The following TNIK variants were observed in gnomAD, a reference collection of about 807,000 sequenced individuals.
TNIK encodes TRAF2 and NCK-interacting protein kinase.
A neutral mutation model predicts 191.3 loss-of-function variants in TNIK; 49 were observed. The ratio of observed to expected loss-of-function variants is 0.26; its 90% CI spans 0.20 to 0.32. TNIK has a LOEUF of 0.32. TNIK is among the 10% of genes least tolerant of loss of function. The probability of loss-of-function intolerance (pLI) is 1.00; values close to 1 mark genes in which losing one functional copy is unlikely to be tolerated. For missense variants in TNIK, 1,155 were observed against 1,702.3 expected, an observed-to-expected ratio of 0.68 and a Z score of 5.66; for synonymous variants, 594 against 600.9, an observed-to-expected ratio of 0.99 and a Z score of 0.17.
At chr3:171,417,352 A>G (rs2108620255) in intron 1 of TNIK, among the ~76,000 whole-genome samples, 1 of 152,276 alleles carries the variant, frequency 6.6e-6, no homozygotes, top group East Asian at 1.9e-4. Flanking sequence ...TATCTCTGCT[A>G]ACAAAGGCTT....
intron 2 of TNIK, among the ~76,000 whole-genome samples, chr3:171,335,027 C>CAAA (rs371457413): frequency 3.5e-5 from 4 of 114,618 alleles, no homozygotes; most frequent in Admixed American, 1.9e-4. Flanking sequence ...CCCCAACTGC[C>CAAA]AAAAAAAAAA....
At chr3:171,441,242 G>T (rs1312222874) in intron 1 of TNIK, among the ~76,000 whole-genome samples, 2 of 152,014 alleles carry the variant, frequency 1.3e-5, no homozygotes, top group Admixed American at 1.3e-4. Context: ...ATTCACTCAG[G>T]TTACCACCAT....
At chr3:171,225,126 A>G (rs960998754) in intron 3 of TNIK, among the ~76,000 whole-genome samples, 3 of 152,214 alleles carry the variant, frequency 2.0e-5, no homozygotes, top group Non-Finnish European at 2.9e-5. Context: ...GTTTTTTAAC[A>G]GAGCAACCAT....
chr3:171,212,396 A>G (rs1161171621), intron 3 of TNIK, among the ~76,000 whole-genome samples: 1 of 150,838 alleles, frequency 6.6e-6, no homozygotes, highest in Non-Finnish European at 1.5e-5. Context: ...TAGCCCCTAC[A>G]CTCCTTCACA....
intron 2 of TNIK, among the ~76,000 whole-genome samples, chr3:171,236,007 C>A (rs540209153): frequency 6.6e-6 from 1 of 152,148 alleles, no homozygotes; most frequent in East Asian, 1.9e-4. Flanking sequence ...GCCCTAAGTC[C>A]CTAATGCCCT....
At chr3:171,387,628 G>A (rs1468421254) in intron 1 of TNIK, among the ~76,000 whole-genome samples, 1 of 152,184 alleles carries the variant, frequency 6.6e-6, no homozygotes, top group Non-Finnish European at 1.5e-5. Flanking sequence ...ATTTTGTGCA[G>A]CTGATTATTA....
chr3:171,318,129 G>A (rs1754828285), intron 2 of TNIK, among the ~76,000 whole-genome samples: 1 of 152,138 alleles, frequency 6.6e-6, no homozygotes. Context: ...CTATACCTCA[G>A]TGTAGAAAGA....
At chr3:171,253,042 C>T (rs1195213139) in intron 2 of TNIK, among the ~76,000 whole-genome samples, 12 of 151,610 alleles carry the variant, frequency 7.9e-5, no homozygotes, top group South Asian at 2.1e-4. Flanking sequence ...TTTGGGAGGC[C>T]GAGGCGAGTG....
rs1040365561 is a variant in TNIK at position 171,159,916 on chromosome 3, G to A, written c.1016+1354C>T. On this transcript the variant is annotated intron_variant, in intron 11 of 32. Transcript: ENST00000436636. The surrounding 1 kb of genome is among the most constrained non-coding windows in gnomAD (Gnocchi z 4.1). Reference sequence around the variant, plus strand: ...TATAATTACGGAAGTGTTAAGGTACGGCTGGGCTGGCTCGTTGAGTGACTC... The same window carrying A: ...TATAATTACGGAAGTGTTAAGGTACAGCTGGGCTGGCTCGTTGAGTGACTC... 1.5e-4 allele frequency among the ~76,000 whole-genome samples: 23 copies of A among 152,198 alleles called. No individual in the cohort carries two copies. Among genetic ancestry groups the A allele is most frequent in the African/African-American group, 5.3e-4 (22 of 41,438 alleles).
chr3:171,373,132 A>C (rs1397460204), intron 1 of TNIK, among the ~76,000 whole-genome samples: 1 of 152,158 alleles, frequency 6.6e-6, no homozygotes, highest in Non-Finnish European at 1.5e-5. Flanking sequence ...GAACAGTATA[A>C]GCATTTAGCT....
chr3:171,222,242 T>C (rs1381321705), intron 3 of TNIK, among the ~76,000 whole-genome samples: 1 of 152,148 alleles, frequency 6.6e-6, no homozygotes, highest in African/African-American at 2.4e-5. Flanking sequence ...AGTGTGGGTA[T>C]GCCCTGACTG....
chr3:171,078,812 G>A (rs550427272), intron 28 of TNIK, among the ~76,000 whole-genome samples: 4 of 152,068 alleles, frequency 2.6e-5, no homozygotes, highest in Non-Finnish European at 5.9e-5. Context: ...CTCTTCCCAG[G>A]GAGTATAGGC....
At chr3:171,378,007 C>T (rs1181812851) in intron 1 of TNIK, among the ~76,000 whole-genome samples, 2 of 152,160 alleles carry the variant, frequency 1.3e-5, no homozygotes, top group Non-Finnish European at 1.5e-5. Context: ...TGTGGGTTAA[C>T]AATAGAGCCA....
intron 1 of TNIK, among the ~76,000 whole-genome samples, chr3:171,404,859 C>T (rs1721453120): frequency 6.6e-6 from 1 of 152,174 alleles, no homozygotes; most frequent in South Asian, 2.1e-4. Flanking sequence ...GTGATGTTTA[C>T]TCTAGACAGT....
intron 9 of TNIK, among the ~76,000 whole-genome samples, chr3:171,173,819 A>G (rs997742869): frequency 6.6e-6 from 1 of 152,136 alleles, no homozygotes; most frequent in African/African-American, 2.4e-5. Context: ...CAGCTCAGAT[A>G]TCAAGCAGGA....
Position 171,283,248 on chromosome 3 carries a change from C to G in TNIK, c.124-55027G>C, listed in dbSNP as rs375553704. Among the ~76,000 whole-genome samples, 109 of 151,438 alleles carry G rather than the reference C, an allele frequency of 7.2e-4. 1 individual carries two copies. In the South Asian group the frequency reaches 0.021, roughly 29 times the overall value. On this transcript the variant is annotated intron_variant, in intron 2 of 32. Transcript: ENST00000436636. ...GTCTGGAGAGAAGGAACTAAGAAAA[C>G]ATACAGTTCTCTGAAATGTTTCCTG...
At chr3:171,090,960 C>T (rs377223321) in intron 23 of TNIK, among the ~76,000 whole-genome samples, 20 of 152,294 alleles carry the variant, frequency 1.3e-4, no homozygotes, top group African/African-American at 4.8e-4. Context: ...ACCCTATAAG[C>T]TAAATCTTAT....
intron 4 of TNIK, among the ~76,000 whole-genome samples, chr3:171,209,158 C>T (rs1052539482): frequency 6.8e-6 from 1 of 146,310 alleles, no homozygotes; most frequent in African/African-American, 2.5e-5. Flanking sequence ...TATGAGTGTC[C>T]ATTCTAGACA....
intron 1 of TNIK, among the ~76,000 whole-genome samples, chr3:171,419,641 G>A (rs1238592728): frequency 6.6e-6 from 1 of 152,154 alleles, no homozygotes; most frequent in Non-Finnish European, 1.5e-5. Flanking sequence ...TGTAACCTTG[G>A]GCCAGTCTCT....
Sources: allele counts gnomAD v4.1 joint callset (sites outside exome capture counted in the v4.1 genomes callset), GRCh38; gene constraint gnomAD v4.1.1; non-coding constraint Gnocchi (gnomAD v3.1); transcripts MANE v1.5; gene names NCBI Gene and HGNC (gene_info 2026-07-23, HGNC 2026-07-21).